L3MBTL4: variants seen among roughly 807,000 people sequenced by gnomAD.
L3MBTL4 encodes the protein lethal(3)malignant brain tumor-like protein 4.
In L3MBTL4, 70 loss-of-function variants were observed where a neutral mutation model predicts 84.5. The ratio of observed to expected loss-of-function variants is 0.83; its 90% CI spans 0.68 to 1.01. The LOEUF (loss-of-function observed/expected upper bound fraction) is 1.01, where lower values mean the gene tolerates loss of function less well. Ranked by LOEUF, L3MBTL4 falls within the 50% of genes least tolerant of loss-of-function variation. L3MBTL4 has a pLI of 0.00. For missense variants in L3MBTL4, 715 were observed against 754.8 expected, an observed-to-expected ratio of 0.95 and a Z score of 0.62; for synonymous variants, 274 against 259.8, an observed-to-expected ratio of 1.05 and a Z score of -0.52.
intron 16 of L3MBTL4, among the ~76,000 whole-genome samples, chr18:5,977,925 A>T (rs1382641943): frequency 6.6e-6 from 1 of 152,116 alleles, no homozygotes; most frequent in Admixed American, 6.5e-5. Context: ...CTTTATGGAA[A>T]TTGTCCATTT....
intron 4 of L3MBTL4, among the ~76,000 whole-genome samples, chr18:6,264,496 G>A (rs2048542781): frequency 6.6e-6 from 1 of 152,130 alleles, no homozygotes; most frequent in South Asian, 2.1e-4. Context: ...CTTAAAAATC[G>A]TTCCTGGCCT....
intron 5 of L3MBTL4, among the ~76,000 whole-genome samples, chr18:6,246,705 A>G (rs2047678607): frequency 6.6e-6 from 1 of 152,190 alleles, no homozygotes; most frequent in Non-Finnish European, 1.5e-5. Context: ...GGAGTTCGAG[A>G]CCAGCCTGGC....
intron 5 of L3MBTL4, among the ~76,000 whole-genome samples, chr18:6,255,914 T>C (rs1226324095): frequency 6.6e-6 from 1 of 152,158 alleles, no homozygotes; most frequent in Non-Finnish European, 1.5e-5. Flanking sequence ...ATAAAAGTAC[T>C]AAAAAGCCAG....
chr18:6,219,270 G>A (rs937267186), intron 10 of L3MBTL4, among the ~76,000 whole-genome samples: 1 of 151,878 alleles, frequency 6.6e-6, no homozygotes, highest in Non-Finnish European at 1.5e-5. Context: ...ATGATCCAAG[G>A]CAGCCCCTTT....
chr18:6,012,863 T>A (rs574203833), intron 16 of L3MBTL4, among the ~76,000 whole-genome samples: 2 of 152,132 alleles, frequency 1.3e-5, no homozygotes. Context: ...TTTATAAACA[T>A]GCTGTGCCTT....
At chr18:6,254,523 A>C (rs1202359448) in intron 5 of L3MBTL4, among the ~76,000 whole-genome samples, 1 of 151,312 alleles carries the variant, frequency 6.6e-6, no homozygotes, top group Non-Finnish European at 1.5e-5. Context: ...GATGGCAGTG[A>C]AGGATGGCTG....
chr18:6,045,134 C>T (rs626426), intron 16 of L3MBTL4, among the ~76,000 whole-genome samples: 6,030 of 152,208 alleles, frequency 0.04, 356 homozygotes, highest in African/African-American at 0.13. Flanking sequence ...AGAAAAGTAA[C>T]TTTGCACCAG....
chr18:6,259,938 T>C (rs1255326309), intron 5 of L3MBTL4: 1 of 152,244 alleles, frequency 6.6e-6, no homozygotes, highest in Admixed American at 6.5e-5. Context: ...ATTTAAATTA[T>C]TAATTCATCT....
chr18:6,099,558 T>C (rs780733150), intron 14 of L3MBTL4, among the ~76,000 whole-genome samples: 42 of 78,988 alleles, frequency 5.3e-4, no homozygotes, highest in Non-Finnish European at 1.1e-3. Context: ...TAAATTTTTA[T>C]ATATCTATAG....
chr18:6,057,396 C>T (rs1454443670), intron 16 of L3MBTL4, among the ~76,000 whole-genome samples: 3 of 152,088 alleles, frequency 2.0e-5, no homozygotes, highest in Non-Finnish European at 4.4e-5. Context: ...CAATCTATCA[C>T]CACTGGGGAA....
intron 8 of L3MBTL4, among the ~76,000 whole-genome samples, chr18:6,240,530 C>T (rs1198608510): frequency 6.6e-6 from 1 of 151,914 alleles, no homozygotes. Flanking sequence ...ATAACAATTA[C>T]AAACCCACCC....
intron 13 of L3MBTL4, among the ~76,000 whole-genome samples, chr18:6,154,861 T>C (rs2043038195): frequency 6.6e-6 from 1 of 152,200 alleles, no homozygotes; most frequent in Non-Finnish European, 1.5e-5. Context: ...TGAGAGGGAT[T>C]ACATAAAAGA....
intron 1 of L3MBTL4, among the ~76,000 whole-genome samples, chr18:6,346,069 G>C (rs1227402409): frequency 6.8e-6 from 1 of 147,858 alleles, no homozygotes; most frequent in East Asian, 2.0e-4. Flanking sequence ...ATACACAATG[G>C]AGAAAGGACA....
chr18:6,374,897 G>A (rs1410983235), intron 1 of L3MBTL4, among the ~76,000 whole-genome samples: 1 of 152,132 alleles, frequency 6.6e-6, no homozygotes, highest in East Asian at 1.9e-4. Context: ...AAAATATTCA[G>A]AAGCAAAGCT....
At chr18:6,078,548 A>G (rs2057950749) in intron 16 of L3MBTL4, among the ~76,000 whole-genome samples, 1 of 151,942 alleles carries the variant, frequency 6.6e-6, no homozygotes, top group Admixed American at 6.6e-5. Flanking sequence ...ATCGTTTAAT[A>G]TCACCATAAG....
chr18:6,246,369 A>C (rs2047666952), intron 5 of L3MBTL4, among the ~76,000 whole-genome samples: 1 of 152,186 alleles, frequency 6.6e-6, no homozygotes, highest in African/African-American at 2.4e-5. Context: ...TAATATTTTC[A>C]CAGCAGACTT....
At chr18:6,196,040 C>G (rs984327793) in intron 12 of L3MBTL4, among the ~76,000 whole-genome samples, 1 of 152,078 alleles carries the variant, frequency 6.6e-6, no homozygotes, top group Non-Finnish European at 1.5e-5. Flanking sequence ...CACACAGTAA[C>G]CAGCCAGAGC....
intron 13 of L3MBTL4, among the ~76,000 whole-genome samples, chr18:6,165,333 C>T (rs1190950563): frequency 6.6e-6 from 1 of 152,046 alleles, no homozygotes; most frequent in Non-Finnish European, 1.5e-5. Context: ...ACAGAGAATG[C>T]CACAAAGATA....
chr18:6,035,039 T>C (rs2056053482), intron 16 of L3MBTL4, among the ~76,000 whole-genome samples: 1 of 151,968 alleles, frequency 6.6e-6, no homozygotes, highest in African/African-American at 2.4e-5. Flanking sequence ...TTGTAGATTC[T>C]GGATATTAGC....
Sources: allele counts gnomAD v4.1 joint callset (sites outside exome capture counted in the v4.1 genomes callset), GRCh38; gene constraint gnomAD v4.1.1; transcripts MANE v1.5; gene names NCBI Gene and HGNC (gene_info 2026-07-23, HGNC 2026-07-21).